The following SLC10A7 variants were observed in gnomAD, a reference collection of about 807,000 sequenced individuals.
SLC10A7 encodes the protein solute carrier family 10 member 7.
A neutral mutation model predicts 43.2 loss-of-function variants in SLC10A7; 29 were observed. The ratio of observed to expected loss-of-function variants is 0.67; its 90% CI spans 0.50 to 0.92. SLC10A7 has a LOEUF of 0.92. Among genes scored for constraint, SLC10A7 ranks in the 40% least tolerant of loss-of-function variants. The pLI is 0.00. For missense variants in SLC10A7, 295 were observed against 403.2 expected (o/e 0.73, Z 2.30); for synonymous variants, 152 against 144.8 (o/e 1.05, Z -0.35).
intron 4 of SLC10A7, among the ~76,000 whole-genome samples, chr4:146,485,882 A>C (rs1303701515): frequency 6.6e-6 from 1 of 152,194 alleles, no homozygotes; most frequent in African/African-American, 2.4e-5. Context: ...ATGACGAAAG[A>C]AAAGGAGGGA....
chr4:146,429,643 T>C lies in SLC10A7; in HGVS notation c.435+13140A>G, dbSNP rs549706696. Among the ~76,000 whole-genome samples, 32 of 149,634 alleles carry C rather than the reference T, an allele frequency of 2.1e-4. 2 individuals carry two copies. In the South Asian group the frequency reaches 6.2e-3, roughly 29 times the overall value. Reference sequence around the variant, plus strand: ...CCAGAGATGGGAGAGAAGATCAGAATTTCAAATTAACTACACTAACCAGTT... The same window carrying C: ...CCAGAGATGGGAGAGAAGATCAGAACTTCAAATTAACTACACTAACCAGTT... On this transcript the variant is annotated intron_variant, in intron 5 of 11. Coordinates refer to ENST00000335472, the MANE Select transcript of SLC10A7 (RefSeq NM_001029998.6).
intron 4 of SLC10A7, among the ~76,000 whole-genome samples, chr4:146,497,682 A>G (rs1229005874): frequency 6.6e-6 from 1 of 152,184 alleles, no homozygotes; most frequent in African/African-American, 2.4e-5. Context: ...TTGCTTTTTC[A>G]CTAAATACCA....
chr4:146,413,395 C>T (rs1728337188), intron 5 of SLC10A7, among the ~76,000 whole-genome samples: 1 of 152,092 alleles, frequency 6.6e-6, no homozygotes, highest in Admixed American at 6.6e-5. Context: ...GTAGTACCTT[C>T]AGATACTAGT....
At chr4:146,427,159 GTC>G (rs1560897184) in intron 5 of SLC10A7, among the ~76,000 whole-genome samples, 1 of 151,514 alleles carries the variant, frequency 6.6e-6, no homozygotes, top group African/African-American at 2.4e-5. Context: ...GCAAAACCCT[GTC>G]TCTATAAAAA....
intron 4 of SLC10A7, among the ~76,000 whole-genome samples, chr4:146,460,983 T>G (rs1732477121): frequency 6.6e-6 from 1 of 151,978 alleles, no homozygotes; most frequent in Admixed American, 6.6e-5. Context: ...GAATTAGAAA[T>G]GAACCAAAAC....
intron 5 of SLC10A7, among the ~76,000 whole-genome samples, chr4:146,327,071 GA>G (rs951604751): frequency 2.0e-5 from 3 of 151,870 alleles, no homozygotes; most frequent in African/African-American, 7.3e-5. Flanking sequence ...ACTTTTGGAA[GA>G]AAAAAAGTCC....
chr4:146,476,296 C>A (rs922298179), intron 4 of SLC10A7, among the ~76,000 whole-genome samples: 2 of 152,020 alleles, frequency 1.3e-5, no homozygotes, highest in African/African-American at 4.8e-5. Context: ...ATACGCTGCA[C>A]AAAGAGATGA....
intron 4 of SLC10A7, among the ~76,000 whole-genome samples, chr4:146,452,263 C>A (rs1479924637): frequency 1.3e-5 from 2 of 151,992 alleles, no homozygotes; most frequent in African/African-American, 4.8e-5. Flanking sequence ...TGTTGGAGGT[C>A]AAAGCTAAAT....
At chr4:146,502,812 G>A (rs537470142) in intron 4 of SLC10A7, among the ~76,000 whole-genome samples, 5 of 152,084 alleles carry the variant, frequency 3.3e-5, no homozygotes, top group African/African-American at 7.2e-5. Context: ...TCTAAAAAAC[G>A]CAAACTAATC....
At chr4:146,464,885 A>G (rs1054479405) in intron 4 of SLC10A7, among the ~76,000 whole-genome samples, 2 of 152,146 alleles carry the variant, frequency 1.3e-5, no homozygotes, top group African/African-American at 4.8e-5. Context: ...AGAGTTTATT[A>G]TTTACCCACT....
chr4:146,290,307 G>A (rs1190163313), intron 9 of SLC10A7, among the ~76,000 whole-genome samples: 1 of 121,498 alleles, frequency 8.2e-6, no homozygotes, highest in East Asian at 2.6e-4. Context: ...CTGGGCGATA[G>A]AGCAAGACTC....
chr4:146,384,030 A>G (rs1431948366), intron 5 of SLC10A7, among the ~76,000 whole-genome samples: 1 of 152,126 alleles, frequency 6.6e-6, no homozygotes, highest in Non-Finnish European at 1.5e-5. Context: ...CCTCAGTTAC[A>G]CATCAAAGGT....
intron 5 of SLC10A7, among the ~76,000 whole-genome samples, chr4:146,364,414 A>G (rs907034781): frequency 2.0e-5 from 3 of 152,166 alleles, no homozygotes; most frequent in African/African-American, 7.2e-5. Flanking sequence ...TCAAACATGA[A>G]AAGAACTAAG....
intron 5 of SLC10A7, among the ~76,000 whole-genome samples, chr4:146,405,957 A>G (rs1026736730): frequency 1.3e-5 from 2 of 152,152 alleles, no homozygotes; most frequent in Admixed American, 6.5e-5. Flanking sequence ...TGGAGAAAAA[A>G]GGATATCTTT....
rs530906659 is a variant in SLC10A7, at chr4:146,453,023, A to ATGTGTG, written c.397-10208_397-10203dup. 3.3e-3 allele frequency among the ~76,000 whole-genome samples: 365 copies of ATGTGTG among 111,398 alleles called. 3 individuals carry two copies. Among genetic ancestry groups the ATGTGTG allele is most frequent in the African/African-American group, 0.014 (357 of 26,324 alleles). The allele number at this position is 111,398 out of a possible 152,430, so 73.1% of individuals were successfully genotyped here. The stretch of plus-strand genomic sequence containing the variant: ...AGATATAGATTTATAGATATATACA[A>ATGTGTG]TGTGTGTGTGTGTATATATATATAT... On this transcript the variant is annotated intron_variant, in intron 4 of 11. Coordinates refer to ENST00000335472, the MANE Select transcript of SLC10A7 (RefSeq NM_001029998.6).
intron 10 of SLC10A7, among the ~76,000 whole-genome samples, chr4:146,261,120 C>T (rs1348552142): frequency 6.6e-6 from 1 of 152,232 alleles, no homozygotes; most frequent in Non-Finnish European, 1.5e-5. Context: ...CAAACACACC[C>T]TTCTCTCCAC....
In SLC10A7 at chr4:146,293,933, T is replaced by G. The variant is rs1291603419; in HGVS notation, c.718A>C (p.Ile240Leu). 6.2e-7 allele frequency: 1 copy of G among 1,608,384 alleles called. No individual in the cohort carries two copies. Residue 240 changes from isoleucine to leucine, a missense_variant, in exon 8 of 12, where the codon ATA (isoleucine) becomes CTA (leucine). Physicochemically the swap from Ile to Leu is conservative, Grantham distance 5. Around this residue, in one of 2 missense-constraint regions of SLC10A7, gnomAD observed 242 missense variants for 362.5 expected, o/e 0.67. Transcript: ENST00000335472. ...DKFSLVLILF[I>L]IFSIQLSFML... Reference sequence around the variant, plus strand: ...GCTATCCCATTTTCCAACTTACTTATGAACAGTATGAGAACAAGGCTGAAT... The same window carrying G: ...GCTATCCCATTTTCCAACTTACTTAGGAACAGTATGAGAACAAGGCTGAAT...
chr4:146,394,843 TA>T (rs1455144717), intron 5 of SLC10A7, among the ~76,000 whole-genome samples: 1 of 152,212 alleles, frequency 6.6e-6, no homozygotes, highest in African/African-American at 2.4e-5. Flanking sequence ...CATTTCTCCA[TA>T]TTCTTATTCA....
chr4:146,400,610 G>A (rs1167723899), intron 5 of SLC10A7, among the ~76,000 whole-genome samples: 2 of 152,020 alleles, frequency 1.3e-5, no homozygotes, highest in African/African-American at 2.4e-5. Flanking sequence ...CTAAGGATAT[G>A]GGCTCTGAAT....
Sources: allele counts gnomAD v4.1 joint callset (sites outside exome capture counted in the v4.1 genomes callset), GRCh38; gene constraint gnomAD v4.1.1; regional missense constraint gnomAD v4.1.1; transcripts MANE v1.5; gene names NCBI Gene and HGNC (gene_info 2026-07-23, HGNC 2026-07-21).